Variants in LDHC observed in about 807,000 individuals in gnomAD.
LDHC encodes L-lactate dehydrogenase C chain.
A neutral mutation model predicts 30.2 loss-of-function variants in LDHC; 20 were observed. The ratio of observed to expected loss-of-function variants is 0.66; its 90% CI spans 0.47 to 0.96. The LOEUF (loss-of-function observed/expected upper bound fraction) is 0.96. Among genes scored for constraint, LDHC ranks in the 40% least tolerant of loss-of-function variants. LDHC has a pLI of 0.00. For missense variants in LDHC, 362 were observed against 394.9 expected, an observed-to-expected ratio of 0.92 and a Z score of 0.71; for synonymous variants, 139 against 132.7, an observed-to-expected ratio of 1.05 and a Z score of -0.32.
intron 7 of LDHC, among the ~76,000 whole-genome samples, chr11:18,448,745 A>ATT (rs142663276): frequency 0.013 from 1,927 of 147,742 alleles, 23 homozygotes; most frequent in Non-Finnish European, 0.019. Context: ...TATTAATTGG[A>ATT]TTTTTTTTTT....
chr11:18,424,978 A>G (rs1295693303), intron 3 of LDHC, among the ~76,000 whole-genome samples: 1 of 152,240 alleles, frequency 6.6e-6, no homozygotes, highest in Non-Finnish European at 1.5e-5. Flanking sequence ...ACTGTACTCC[A>G]GCCTGGGTGA....
chr11:18,412,616 C>T (rs1866912724), intron 1 of LDHC, 93 bp from the exon 2 acceptor site: 2 of 1,181,932 alleles, frequency 1.7e-6, no homozygotes, highest in African/African-American at 1.5e-5. Flanking sequence ...TTGGCTTCCC[C>T]CCATCCCCGG....
intron 6 of LDHC, among the ~76,000 whole-genome samples, chr11:18,441,922 AAAC>A (rs1237357509): frequency 5.3e-5 from 8 of 152,220 alleles, no homozygotes; most frequent in African/African-American, 1.9e-4. Context: ...AAACAAAACA[AAAC>A]AACAGTATTG....
At chr11:18,440,178 G>A (rs1848440465) in intron 6 of LDHC, among the ~76,000 whole-genome samples, 1 of 151,172 alleles carries the variant, frequency 6.6e-6, no homozygotes. Context: ...GCCGGGTGTG[G>A]TGGTGTGCCC....
At chr11:18,418,036 T>A (rs1470236259) in intron 3 of LDHC, among the ~76,000 whole-genome samples, 1 of 151,650 alleles carries the variant, frequency 6.6e-6, no homozygotes, top group Non-Finnish European at 1.5e-5. Context: ...AAAATATATA[T>A]AATAATATAA....
chr11:18,439,732 TGGGA>T (rs1848423980), intron 6 of LDHC, among the ~76,000 whole-genome samples: 1 of 141,334 alleles, frequency 7.1e-6, no homozygotes, highest in African/African-American at 2.6e-5. Context: ...CCCAATACTT[TGGGA>T]GGCCAAGGTG....
intron 5 of LDHC, among the ~76,000 whole-genome samples, chr11:18,437,272 G>T (rs1157851240): frequency 6.6e-6 from 1 of 151,994 alleles, no homozygotes; most frequent in African/African-American, 2.4e-5. Context: ...TTTGCATATT[G>T]CTTAAAAATA....
At chr11:18,437,849 G>A (rs938481879) in intron 5 of LDHC, among the ~76,000 whole-genome samples, 2 of 151,742 alleles carry the variant, frequency 1.3e-5, no homozygotes, top group Non-Finnish European at 2.9e-5. Flanking sequence ...TGGATCACTT[G>A]AGGCCAGGAG....
chr11:18,432,817 C>T (rs530125953), intron 4 of LDHC, among the ~76,000 whole-genome samples: 42 of 152,270 alleles, frequency 2.8e-4, no homozygotes, highest in African/African-American at 9.1e-4. Flanking sequence ...GCATGAAATG[C>T]CTTTTTCCAC....
At chr11:18,439,615 G>A (rs1242734121) in intron 6 of LDHC, among the ~76,000 whole-genome samples, 2 of 144,460 alleles carry the variant, frequency 1.4e-5, no homozygotes, top group Admixed American at 7.0e-5. Flanking sequence ...GATATTCACA[G>A]CTTGGAATAT....
chr11:18,446,195 T>A lies in LDHC; in HGVS notation c.711-15T>A. On this transcript the variant is annotated splice_polypyrimidine_tract_variant and intron_variant, in intron 6 of 7. Coordinates refer to ENST00000541669, the MANE Select transcript of LDHC (RefSeq NM_017448.5). ...CTTATTATGAATTTGATTTTCTTAC[T>A]TTCTACAACTGTAGTGCCTATGAAA... 1.3e-6 allele frequency: 2 copies of A among 1,591,858 alleles called. No individual in the cohort carries two copies. Among genetic ancestry groups the A allele is most frequent in the Non-Finnish European group, 1.7e-6 (2 of 1,162,918 alleles).
chr11:18,438,358 C>G (rs1172462811), intron 5 of LDHC, among the ~76,000 whole-genome samples, 170 bp from the exon 6 acceptor site: 2 of 152,160 alleles, frequency 1.3e-5, no homozygotes, highest in African/African-American at 4.8e-5. Flanking sequence ...CACCCATGAT[C>G]AGACACTTCC....
At chr11:18,430,341 T>C (rs1848244042) in intron 4 of LDHC, among the ~76,000 whole-genome samples, 1 of 152,158 alleles carries the variant, frequency 6.6e-6, no homozygotes, top group Admixed American at 6.5e-5. Flanking sequence ...GTGTTTGATA[T>C]GGGGTCTCAC....
chr11:18,423,532 C>T (rs1013983865), intron 3 of LDHC, among the ~76,000 whole-genome samples: 1 of 152,122 alleles, frequency 6.6e-6, no homozygotes, highest in Non-Finnish European at 1.5e-5. Context: ...TGATACCACA[C>T]ACACACCCTA....
chr11:18,445,153 C>T (rs73440614), intron 6 of LDHC, among the ~76,000 whole-genome samples: 13 of 151,698 alleles, frequency 8.6e-5, no homozygotes, highest in Non-Finnish European at 1.2e-4. Context: ...ATACACACAG[C>T]TTACAACTGT....
At position 18,434,691 on chromosome 11, in the gene LDHC, T is replaced by G. The variant is rs368812955; in HGVS notation, c.419-49T>G. ...CTATGTATTCAGGAAAAAAAAAATT[T>G]TTTTAAGTTATGATGAATCTTTTTC... On this transcript the variant is annotated intron_variant, in intron 4 of 7. Coordinates refer to ENST00000541669, the MANE Select transcript of LDHC (RefSeq NM_017448.5). 8.4e-5 allele frequency: 106 copies of G among 1,263,482 alleles called. No individual in the cohort carries two copies. In the African/African-American group the frequency reaches 1.3e-3, roughly 16 times the overall value. 78.3% of individuals were successfully genotyped at this position (1,263,482 alleles called of 1,614,324 possible).
intron 4 of LDHC, 124 bp from the exon 5 acceptor site, chr11:18,434,616 G>C (rs1342973039): frequency 4.9e-6 from 3 of 617,084 alleles, no homozygotes; most frequent in Non-Finnish European, 8.6e-6. Flanking sequence ...CCCAGCCAGT[G>C]ATTTGCTTCA....
At chr11:18,427,411 T>C (rs1013342762) in intron 3 of LDHC, among the ~76,000 whole-genome samples, 1 of 152,042 alleles carries the variant, frequency 6.6e-6, no homozygotes, top group Non-Finnish European at 1.5e-5. Flanking sequence ...TAGCTTGATC[T>C]TGTAGATGAG....
At chr11:18,433,475 C>T (rs997826148) in intron 4 of LDHC, among the ~76,000 whole-genome samples, 1 of 151,698 alleles carries the variant, frequency 6.6e-6, no homozygotes, top group African/African-American at 2.4e-5. Context: ...TTTAGCAGTT[C>T]TTATAGTGGT....
Sources: gnomAD v4.1 joint callset for allele counts (sites outside exome capture counted in the v4.1 genomes callset) on GRCh38, gnomAD v4.1.1 for gene constraint, MANE v1.5 for transcripts, NCBI Gene and HGNC (gene_info 2026-07-23, HGNC 2026-07-21) for gene names.